The following TTC19 variants were observed in gnomAD, a reference collection of about 807,000 sequenced individuals.
TTC19 encodes the protein tetratricopeptide repeat protein 19, mitochondrial.
TTC19 carries 38 observed loss-of-function variants against 49.5 expected under a neutral mutation model. The ratio of observed to expected loss-of-function variants is 0.77; its 90% CI spans 0.59 to 1.01. The LOEUF (loss-of-function observed/expected upper bound fraction) is 1.01, where lower values mean the gene tolerates loss of function less well. Ranked by LOEUF, TTC19 falls within the 50% of genes least tolerant of loss-of-function variation. The probability of loss-of-function intolerance (pLI) is 0.00; values close to 1 mark genes in which losing one functional copy is unlikely to be tolerated. For missense variants in TTC19, 475 were observed against 477.7 expected (o/e 0.99, Z 0.05); for synonymous variants, 204 against 185.2 (o/e 1.10, Z -0.83).
In TTC19 at chr17:16,002,804, A is replaced by G; in HGVS notation, c.435A>G (p.Leu145=). 2 of 1,614,092 alleles carry G rather than the reference A, an allele frequency of 1.2e-6. No individual in the cohort carries two copies. The highest frequency in any genetic ancestry group is 1.3e-5 in the African/African-American group (1 of 75,062). Residue 145 remains leucine, a synonymous_variant, in exon 4 of 10, where the codon TTA becomes TTG. Transcript: ENST00000261647. ...TAATTTGCTTTCAGATGGCCAACTT[A>G]GCATTTATACGGGGTCAGCTTGAAA... ...ITYTYDLMAN[L]AFIRGQLENA...
At chr17:16,007,214 T>TG (rs1567579168) in intron 7 of TTC19, among the ~76,000 whole-genome samples, 1 of 152,226 alleles carries the variant, frequency 6.6e-6, no homozygotes, top group Non-Finnish European at 1.5e-5. Context: ...CCGTTATCCA[T>TG]GGGGAATATG....
chr17:16,011,919 GTCC>G (rs745814992), intron 7 of TTC19, among the ~76,000 whole-genome samples: 10 of 152,136 alleles, frequency 6.6e-5, no homozygotes, highest in South Asian at 2.1e-4. Flanking sequence ...ATAAGCCTAT[GTCC>G]TCCTCCCCAA....
intron 4 of TTC19, among the ~76,000 whole-genome samples, chr17:16,003,532 A>G (rs1327876247): frequency 6.6e-6 from 1 of 152,090 alleles, no homozygotes; most frequent in Non-Finnish European, 1.5e-5. Context: ...GAAGAGAATG[A>G]CTATTAGGAG....
chr17:16,039,826 TCGCAC>T (rs2057214227), intron 2 of TTC19: 1 of 617,734 alleles, frequency 1.6e-6, no homozygotes, highest in Non-Finnish European at 2.8e-6. Context: ...TCTCTCTCTG[TCGCAC>T]CCAGGCTGGA....
At chr17:16,029,493 T>A, downstream of TTC19, 1 of 271,870 alleles carries the variant, frequency 3.7e-6, no homozygotes, top group Non-Finnish European at 7.3e-6. Context: ...AAATTTGCAG[T>A]CATAAACATG....
intron 9 of TTC19, 125 bp downstream of exon 9, chr17:16,026,827 G>C (rs2151684885): frequency 9.9e-7 from 1 of 1,009,384 alleles, no homozygotes; most frequent in East Asian, 2.6e-5. Flanking sequence ...TAAAAGACTG[G>C]TTGAATGGCA....
At chr17:16,023,671 C>A (rs918578806) in intron 7 of TTC19, 2 of 152,170 alleles carry the variant, frequency 1.3e-5, no homozygotes, top group African/African-American at 2.4e-5. Context: ...GGTGTTAGTT[C>A]TCTGTAGAAA....
intron 7 of TTC19, among the ~76,000 whole-genome samples, chr17:16,010,036 C>CT (rs1757628703): frequency 6.6e-6 from 1 of 151,482 alleles, no homozygotes. Context: ...TTATATTTTT[C>CT]TTTTTAATTT....
chr17:16,039,252 G>A, intron 2 of TTC19: 1 of 615,448 alleles, frequency 1.6e-6, no homozygotes, highest in Non-Finnish European at 2.8e-6. Context: ...TTTTATTTCT[G>A]TTCATATTAT....
At chr17:16,022,813 C>G (rs1182352519) in intron 7 of TTC19, among the ~76,000 whole-genome samples, 1 of 152,024 alleles carries the variant, frequency 6.6e-6, no homozygotes, top group African/African-American at 2.4e-5. Context: ...GCTTCATGGA[C>G]TGAGTATAGT....
intron 7 of TTC19, among the ~76,000 whole-genome samples, chr17:16,016,668 G>A (rs1011740743): frequency 5.5e-5 from 8 of 145,042 alleles, no homozygotes; most frequent in Non-Finnish European, 1.2e-4. Flanking sequence ...AGTGATTCTT[G>A]CACTTCAGCC....
chr17:16,042,888 G>A (rs2057998412), intron 2 of TTC19, among the ~76,000 whole-genome samples: 1 of 152,120 alleles, frequency 6.6e-6, no homozygotes, highest in African/African-American at 2.4e-5. Context: ...AGGAAAAGCT[G>A]GGCTACAGAT....
In TTC19 at chr17:16,006,504, C is replaced by G. The variant is rs544027755; in HGVS notation, c.612C>G (p.Phe204Leu). 133 of 1,613,334 alleles carry G rather than the reference C, an allele frequency of 8.2e-5. 3 individuals are homozygous for G. The South Asian group carries it at 1.4e-3, about 17-fold the overall frequency. ...RQEFAVAGYE[F>L]CISTLEEKIE... ...AATTTGCTGTTGCTGGCTATGAATT[C>G]TGCATTTCAACTCTAGAGGAAAAAA... Residue 204 changes from phenylalanine (F) to leucine (L), a missense_variant, in exon 7 of 10, where the codon TTC (phenylalanine) becomes TTG (leucine). Transcript: ENST00000261647.
Position 16,039,564 on chromosome 17 carries a change from A to G in TTC19, c.248-4939A>G, listed in dbSNP as rs1335120990. On this transcript the variant is annotated intron_variant, in intron 2 of 2. Coordinates refer to the TTC19 transcript ENST00000470649. ...TCCATGATCCTCAACTTTGTCATCA[A>G]AGCTTCCCATGAGAGCCTTCCTGAT... is the stretch of plus-strand genomic sequence containing the variant. 4.3e-6 allele frequency: 7 copies of G among 1,614,018 alleles called. 1 individual carries two copies. In the South Asian group the frequency reaches 6.6e-5, roughly 15 times the overall value.
At chr17:16,032,679 G>A (rs558642159), downstream of TTC19, among the ~76,000 whole-genome samples, 38 of 152,264 alleles carry the variant, frequency 2.5e-4, no homozygotes, top group African/African-American at 7.2e-4. Flanking sequence ...CAGTCAGTGC[G>A]GGTCCAAAAA....
chr17:16,018,525 G>A (rs1434861038), intron 7 of TTC19, among the ~76,000 whole-genome samples: 1 of 151,692 alleles, frequency 6.6e-6, no homozygotes, highest in Non-Finnish European at 1.5e-5. Context: ...TTTGTTTTTT[G>A]AGATAGGGTC....
chr17:16,001,802 A>G, intron 2 of TTC19, 113 bp from the exon 3 acceptor site: 2 of 741,580 alleles, frequency 2.7e-6, no homozygotes, highest in South Asian at 1.5e-5. Flanking sequence ...ATGTCTGATG[A>G]ATGAGTTAGC....
chr17:16,027,412 C>T lies in TTC19; in HGVS notation c.1033C>T (p.Leu345=), dbSNP rs775869360. Reference sequence around the variant, plus strand: ...AGCAAAAGAGATCTACCAGGAAGCACTGAAGCAAGCAAAGCTGAAAAAAGA... The same window carrying T: ...AGCAAAAGAGATCTACCAGGAAGCATTGAAGCAAGCAAAGCTGAAAAAAGA... ...TQAKEIYQEA[L]KQAKLKKDEI... Residue 345 remains leucine, a synonymous_variant, in exon 10 of 10, where the codon CTG becomes TTG. Coordinates refer to ENST00000261647, the MANE Select transcript of TTC19 (RefSeq NM_017775.4). The T allele has an allele frequency of 7.4e-6, 12 of 1,614,068 alleles. No individual in the cohort carries two copies. The highest frequency in any genetic ancestry group is 9.3e-6 in the Non-Finnish European group (11 of 1,179,946).
At position 16,026,613 on chromosome 17, in the gene TTC19, T is replaced by A. The variant is rs1207757999; in HGVS notation, c.905T>A (p.Met302Lys). The A allele has an allele frequency of 6.2e-7, 1 of 1,614,160 alleles. No individual in the cohort carries two copies. The highest frequency in any genetic ancestry group is 1.7e-5 in the Admixed American group (1 of 60,026). Residue 302 changes from methionine (M) to lysine (K), a missense_variant, in exon 9 of 10, where the codon ATG (methionine) becomes AAG (lysine). Physicochemically the swap from Met to Lys is moderately conservative, Grantham distance 95. Transcript: ENST00000261647. ...CGCTTTGATGAGGCCTATATTTATA[T>A]GCAAAGGGCATCAGATCTGGCAAGA... ...QGRFDEAYIYMQRASDLARQI... is the reference protein window; with the variant it reads ...QGRFDEAYIYKQRASDLARQI...
Sources: allele counts gnomAD v4.1 joint callset (sites outside exome capture counted in the v4.1 genomes callset), GRCh38; gene constraint gnomAD v4.1.1; transcripts MANE v1.5; gene names NCBI Gene and HGNC (gene_info 2026-07-23, HGNC 2026-07-21).